STAMBP: variants seen among roughly 807,000 people sequenced by gnomAD.
The protein encoded by STAMBP is STAM-binding protein.
A neutral mutation model predicts 50.7 loss-of-function variants in STAMBP; 31 were observed. That is an observed-to-expected ratio of 0.61 (90% confidence interval 0.46 to 0.83). STAMBP has a LOEUF of 0.83. STAMBP is among the 40% of genes least tolerant of loss of function. The pLI is 0.00. For synonymous variants in STAMBP, 211 were observed against 192.4 expected (o/e 1.10, Z -0.80); for missense variants, 472 against 518.9 (o/e 0.91, Z 0.88).
rs375135734 is a variant in STAMBP at position 73,860,082 on chromosome 2, A to C, written c.1149A>C (p.Gly383=). The C allele has an allele frequency of 2.5e-6, 4 of 1,612,004 alleles. No homozygotes were observed. Among genetic ancestry groups the C allele is most frequent in the African/African-American group, 1.4e-5 (1 of 73,124 alleles). Residue 383 remains glycine (G), a synonymous_variant, in exon 9 of 10, where the codon GGA becomes GGC. Coordinates refer to ENST00000394070, the MANE Select transcript of STAMBP (RefSeq NM_213622.4). ...GATTCTTTAAACTAACTGACCATGG[A>C]CTAGAGGAGATTTCTTCCTGTCGCC... is the stretch of plus-strand genomic sequence containing the variant. ...ETGFFKLTDH[G]LEEISSCRQK... is the part of the protein sequence containing the mutation.
At chr2:73,853,884 G>A (rs1329373062) in intron 7 of STAMBP, among the ~76,000 whole-genome samples, 2 of 152,186 alleles carry the variant, frequency 1.3e-5, no homozygotes, top group Non-Finnish European at 2.9e-5. Context: ...CCACTTCAAT[G>A]TGTATCTCTA....
At chr2:73,851,944 AT>A (rs1676867929) in intron 7 of STAMBP, among the ~76,000 whole-genome samples, 1 of 152,084 alleles carries the variant, frequency 6.6e-6, no homozygotes, top group Non-Finnish European at 1.5e-5. Flanking sequence ...CCGGCTAGAT[AT>A]GTTTTAATGT....
chr2:73,840,400 A>C (rs1423314888), intron 2 of STAMBP, among the ~76,000 whole-genome samples: 1 of 147,440 alleles, frequency 6.8e-6, no homozygotes, highest in African/African-American at 2.5e-5. Context: ...ACTGTTTTAT[A>C]ATGATCTCTA....
downstream of STAMBP, among the ~76,000 whole-genome samples, chr2:73,869,178 C>T (rs758476868): frequency 2.2e-4 from 34 of 152,060 alleles, no homozygotes; most frequent in South Asian, 1.0e-3. Context: ...AAAGGCACAA[C>T]GATGTTCACT....
chr2:73,858,203 A>G (rs1436838448), intron 7 of STAMBP, among the ~76,000 whole-genome samples: 4 of 121,650 alleles, frequency 3.3e-5, no homozygotes, highest in African/African-American at 1.3e-4. Context: ...ACAGGGTTTC[A>G]CCATGTTAGC....
chr2:73,843,574 T>G (rs751286348), intron 2 of STAMBP, among the ~76,000 whole-genome samples: 50 of 152,048 alleles, frequency 3.3e-4, no homozygotes, highest in Non-Finnish European at 1.3e-4. Context: ...CAGCCTCTTT[T>G]ATATCTTCTT....
At chr2:73,846,580 T>C (rs1676089821) in intron 4 of STAMBP, among the ~76,000 whole-genome samples, 1 of 151,670 alleles carries the variant, frequency 6.6e-6, no homozygotes, top group Admixed American at 6.6e-5. Context: ...TGAGCCATGA[T>C]TGACCACTAC....
At chr2:73,854,248 A>G (rs367749055) in intron 7 of STAMBP, among the ~76,000 whole-genome samples, 13 of 152,230 alleles carry the variant, frequency 8.5e-5, no homozygotes, top group African/African-American at 2.9e-4. Flanking sequence ...CACGTTTTAG[A>G]CAATCTTGAC....
At chr2:73,860,403 T>C (rs2104692649) in intron 9 of STAMBP, 1 of 536,594 alleles carries the variant, frequency 1.9e-6, no homozygotes, top group South Asian at 3.8e-5. Flanking sequence ...ATCTATAAAA[T>C]AGGCATAATA....
intron 7 of STAMBP, among the ~76,000 whole-genome samples, chr2:73,858,685 TTA>T (rs1237868496): frequency 6.6e-6 from 1 of 152,134 alleles, no homozygotes; most frequent in Non-Finnish European, 1.5e-5. Context: ...AGGAAAGAAA[TTA>T]TGAGTCTCTT....
chr2:73,861,713 G>T (rs1175700039), intron 9 of STAMBP, among the ~76,000 whole-genome samples: 2 of 145,158 alleles, frequency 1.4e-5, no homozygotes, highest in African/African-American at 5.3e-5. Context: ...TTTTTTAGTA[G>T]GGTCAGGGTT....
At chr2:73,845,054 G>T in intron 3 of STAMBP, 113 bp from the exon 4 acceptor site, 1 of 1,546,266 alleles carries the variant, frequency 6.5e-7, no homozygotes, top group South Asian at 1.2e-5. Flanking sequence ...ACAGTAGGGG[G>T]TATTTTAAAT....
downstream of STAMBP, among the ~76,000 whole-genome samples, chr2:73,868,277 T>A (rs149752538): frequency 3.2e-3 from 482 of 152,150 alleles, no homozygotes; most frequent in African/African-American, 0.011. Context: ...AAATCATCAA[T>A]CTAGTAAAGG....
intron 7 of STAMBP, among the ~76,000 whole-genome samples, chr2:73,858,262 C>T (rs1209194803): frequency 2.7e-5 from 4 of 150,244 alleles, no homozygotes; most frequent in Non-Finnish European, 5.9e-5. Context: ...CCTCAGCCTC[C>T]CGAATAGCTG....
Position 73,862,342 on chromosome 2 carries a change from T to C in STAMBP, c.*83T>C. On this transcript the variant is annotated 3_prime_UTR_variant, in exon 10 of 10. Transcript: ENST00000394070. ...CTTAATTTAAGCTTTCTAGAAAGCT[T>C]TGGAAGTTTTTGTAGATAGTAGAAA... 1 of 1,301,616 alleles carries C rather than the reference T, an allele frequency of 7.7e-7. No homozygotes were observed. Among genetic ancestry groups the C allele is most frequent in the Non-Finnish European group, 1.0e-6 (1 of 954,818 alleles). The allele number at this position is 1,301,616 out of a possible 1,614,324, so 80.6% of individuals were successfully genotyped here. A position where few individuals can be genotyped will look rare whatever the true frequency, so the allele number is the denominator to read the frequency against.
intron 2 of STAMBP, among the ~76,000 whole-genome samples, chr2:73,839,734 T>A (rs1343748283): frequency 6.6e-6 from 1 of 152,252 alleles, no homozygotes; most frequent in African/African-American, 2.4e-5. Flanking sequence ...GTGGCCACTA[T>A]TGTATTTCTG....
At chr2:73,869,723 A>T (rs1194349573), downstream of STAMBP, among the ~76,000 whole-genome samples, 1 of 152,146 alleles carries the variant, frequency 6.6e-6, no homozygotes, top group Non-Finnish European at 1.5e-5. Context: ...CTTAAAGTAT[A>T]ATAATAATAA....
chr2:73,860,975 C>G (rs777711492), intron 9 of STAMBP, among the ~76,000 whole-genome samples: 11 of 152,200 alleles, frequency 7.2e-5, no homozygotes, highest in Non-Finnish European at 1.5e-4. Flanking sequence ...AAAACAAAGA[C>G]TTCATGGAAT....
chr2:73,838,884 C>G (rs12618950), intron 2 of STAMBP, among the ~76,000 whole-genome samples: 15,512 of 151,862 alleles, frequency 0.1, 1,805 homozygotes, highest in African/African-American at 0.28. Context: ...CCTTTAAAAT[C>G]TTGATTCTGA....
Sources: gnomAD v4.1 joint callset for allele counts (sites outside exome capture counted in the v4.1 genomes callset) on GRCh38, gnomAD v4.1.1 for gene constraint, MANE v1.5 for transcripts, NCBI Gene and HGNC (gene_info 2026-07-23, HGNC 2026-07-21) for gene names.